BLTP3B: variants seen among roughly 807,000 people sequenced by gnomAD.
BLTP3B encodes the protein UHRF1 (ICBP90) binding protein 1-like.
At chr12:100,063,766 T>C in the BLTP3B span, among the ~76,000 whole-genome samples, 1,722 of 148,898 alleles carry the variant, frequency 0.012, 33 homozygotes, top group Non-Finnish European at 0.012. Context: ...GAACATGCCA[T>C]GGGACAAAAG....
the BLTP3B span, among the ~76,000 whole-genome samples, chr12:100,070,706 T>C: frequency 2.3e-4 from 35 of 152,232 alleles, no homozygotes; most frequent in Non-Finnish European, 4.6e-4. Context: ...AAAACATATA[T>C]TAATAGGGTG....
chr12:100,116,165 G>A, the BLTP3B span, among the ~76,000 whole-genome samples: 13 of 124,366 alleles, frequency 1.0e-4, no homozygotes, highest in African/African-American at 5.3e-4. Context: ...GAATGAGACT[G>A]TCTCAAAAAA....
the BLTP3B span, among the ~76,000 whole-genome samples, chr12:100,116,582 G>T: frequency 1.3e-5 from 2 of 151,648 alleles, no homozygotes; most frequent in African/African-American, 4.8e-5. Flanking sequence ...AGGAACAGAA[G>T]AGAACTTCCC....
At chr12:100,060,365 T>C in the BLTP3B span, among the ~76,000 whole-genome samples, 2 of 152,202 alleles carry the variant, frequency 1.3e-5, no homozygotes, top group Admixed American at 6.5e-5. Context: ...TGTTTCAATT[T>C]CTTTCCTAAG....
At chr12:100,120,450 T>C in the BLTP3B span, among the ~76,000 whole-genome samples, 73 of 152,224 alleles carry the variant, frequency 4.8e-4, 1 homozygote, top group African/African-American at 1.5e-3. Flanking sequence ...AAGACACAGA[T>C]GGCAGATAGG....
chr12:100,069,058 A>C, the BLTP3B span, among the ~76,000 whole-genome samples: 1 of 152,256 alleles, frequency 6.6e-6, no homozygotes, highest in African/African-American at 2.4e-5. Flanking sequence ...TAACATGTTA[A>C]AATTTTGTAA....
chr12:100,124,527 G>A, the BLTP3B span, among the ~76,000 whole-genome samples: 4 of 150,406 alleles, frequency 2.7e-5, no homozygotes, highest in African/African-American at 4.9e-5. Flanking sequence ...GGTAGATCAC[G>A]AGCTCAGGAG....
At chr12:100,087,092 G>C in the BLTP3B span, among the ~76,000 whole-genome samples, 1 of 146,330 alleles carries the variant, frequency 6.8e-6, no homozygotes, top group African/African-American at 2.6e-5. Context: ...CTGGGAGGCA[G>C]AGGCTGCAGT....
the BLTP3B span, chr12:100,142,568 GC>G: frequency 6.2e-7 from 1 of 1,605,222 alleles, no homozygotes; most frequent in Non-Finnish European, 8.5e-7. Flanking sequence ...GCCGACTGGC[GC>G]CGACACCGAG....
At chr12:100,080,557 G>A in the BLTP3B span, among the ~76,000 whole-genome samples, 1 of 152,138 alleles carries the variant, frequency 6.6e-6, no homozygotes. Flanking sequence ...GATTTGCATG[G>A]GGCCTGTAGC....
At chr12:100,053,669 C>A in the BLTP3B span, among the ~76,000 whole-genome samples, 14 of 152,198 alleles carry the variant, frequency 9.2e-5, no homozygotes, top group African/African-American at 3.1e-4. Flanking sequence ...AGCCTGGAAG[C>A]ATATACACCA....
chr12:100,079,048 C>T, the BLTP3B span, among the ~76,000 whole-genome samples: 1 of 152,168 alleles, frequency 6.6e-6, no homozygotes, highest in South Asian at 2.1e-4. Context: ...TGTGACTTCC[C>T]CAGTCATGTG....
the BLTP3B span, among the ~76,000 whole-genome samples, chr12:100,108,953 G>C: frequency 1.3e-5 from 2 of 152,096 alleles, no homozygotes; most frequent in African/African-American, 4.8e-5. Context: ...TGGGTAGTGG[G>C]TACAAAAATA....
At chr12:100,076,584 G>T in the BLTP3B span, among the ~76,000 whole-genome samples, 6 of 151,952 alleles carry the variant, frequency 3.9e-5, no homozygotes, top group African/African-American at 1.4e-4. Flanking sequence ...ACTAGGGAGG[G>T]GGTTTTGCTA....
At chr12:100,072,317 AT>A in the BLTP3B span, among the ~76,000 whole-genome samples, 3 of 152,202 alleles carry the variant, frequency 2.0e-5, no homozygotes, top group Admixed American at 1.3e-4. Context: ...GCCATCAAGG[AT>A]TCTACAAGCT....
chr12:100,090,854 A>T, the BLTP3B span, among the ~76,000 whole-genome samples: 1 of 152,124 alleles, frequency 6.6e-6, no homozygotes, highest in South Asian at 2.1e-4. Context: ...ACTCTCCGGT[A>T]CTTCTTTCAT....
chr12:100,094,125 CT>C, the BLTP3B span, among the ~76,000 whole-genome samples: 4 of 151,946 alleles, frequency 2.6e-5, no homozygotes, highest in Admixed American at 6.6e-5. Flanking sequence ...GTTTGTTTTC[CT>C]TTTTTCTTTT....
At chr12:100,059,571 A>T in the BLTP3B span, 1 of 1,530,612 alleles carries the variant, frequency 6.5e-7, no homozygotes, top group Non-Finnish European at 8.7e-7. Flanking sequence ...CCAACTGGCA[A>T]ATCCATACAT....
At chr12:100,121,784 G>A in the BLTP3B span, among the ~76,000 whole-genome samples, 28 of 152,228 alleles carry the variant, frequency 1.8e-4, no homozygotes, top group Admixed American at 1.1e-3. Flanking sequence ...AGCTGAGATC[G>A]TGCCACTGCA....
Sources: gnomAD v4.1 joint callset for allele counts (sites outside exome capture counted in the v4.1 genomes callset) on GRCh38, gnomAD v4.1.1 for gene constraint, MANE v1.5 for transcripts, NCBI Gene and HGNC (gene_info 2026-07-23, HGNC 2026-07-21) for gene names.